The following CCL11 variants were observed in gnomAD, a reference collection of about 807,000 sequenced individuals.
CCL11 encodes the protein C-C motif chemokine ligand 11.
Under a neutral mutation model 7.3 loss-of-function variants are expected in CCL11, and 7 were observed. That is an observed-to-expected ratio of 0.96 (90% CI 0.55 to 1.81). The LOEUF is 1.81. Ranked by LOEUF, CCL11 falls within the 40% of genes most tolerant of loss-of-function variation. The pLI, the probability that CCL11 is intolerant of heterozygous loss-of-function variation, is 0.00. For synonymous variants in CCL11, 66 were observed against 45.2 expected (o/e 1.46, Z -1.84); for missense variants, 132 against 114.2 (o/e 1.16, Z -0.71).
chr17:34,288,188 T>C lies in CCL11; in HGVS notation c.*498T>C, dbSNP rs947302951. 6 of 152,502 alleles carry C rather than the reference T, an allele frequency of 3.9e-5. No individual in the cohort carries two copies. The highest frequency in any genetic ancestry group is 5.9e-5 in the Non-Finnish European group (4 of 68,172). The allele number at this position is 152,502 out of a possible 1,614,324, so 9.4% of individuals were successfully genotyped here. A position where few individuals can be genotyped will look rare whatever the true frequency, so the allele number is the denominator to read the frequency against. On this transcript the variant is annotated 3_prime_UTR_variant, in exon 3 of 3. Coordinates refer to ENST00000305869, the MANE Select transcript of CCL11 (RefSeq NM_002986.3). ...CACACTGAGCTGAGGGGGACAAAGA[T>C]GGCTGTGGCCAAGAGGGGCTTGGTT...
chr17:34,285,989 T>C (rs1908620810), intron 1 of CCL11, 105 bp downstream of exon 1: 1 of 764,702 alleles, frequency 1.3e-6, no homozygotes, highest in African/African-American at 1.8e-5. Flanking sequence ...ATTTGAAAAA[T>C]AGGGAAACAG....
At position 34,287,106 on chromosome 17, in the gene CCL11, A is replaced by T; in HGVS notation, c.87A>T (p.Pro29=). The T allele has an allele frequency of 6.2e-7, 1 of 1,613,584 alleles. No homozygotes were observed. Among genetic ancestry groups the T allele is most frequent in the Non-Finnish European group, 8.5e-7 (1 of 1,179,632 alleles). Residue 29 remains proline (P), a synonymous_variant, in exon 2 of 3, where the codon CCA becomes CCT. Transcript: ENST00000305869. ...TTCCCCAAAATTCAGCTTCTGTCCC[A>T]ACCACCTGCTGCTTTAACCTGGCCA... is the stretch of plus-strand genomic sequence containing the variant. ...PQGLAGPASV[P]TTCCFNLANR...
chr17:34,286,837 C>G (rs1908645833), intron 1 of CCL11, among the ~76,000 whole-genome samples: 1 of 152,212 alleles, frequency 6.6e-6, no homozygotes, highest in South Asian at 2.1e-4. Context: ...AATGACAGAG[C>G]TAGCATTTGT....
Position 34,287,702 on chromosome 17 carries a change from T to A in CCL11, c.*12T>A. On this transcript the variant is annotated 3_prime_UTR_variant, in exon 3 of 3. Transcript: ENST00000305869. ...CTCCAAAGCCATAAATAATCACCAT[T>A]TTTGAAACCAAACCAGAGCCTGAGT... 6.4e-7 allele frequency: 1 copy of A among 1,573,990 alleles called. No individual in the cohort carries two copies. Among genetic ancestry groups the A allele is most frequent in the Non-Finnish European group, 8.7e-7 (1 of 1,143,918 alleles).
chr17:34,287,120 T>A lies in CCL11; in HGVS notation c.101T>A (p.Phe34Tyr). Reference sequence around the variant, plus strand: ...GCTTCTGTCCCAACCACCTGCTGCTTTAACCTGGCCAATAGGAAGATACCC... The same window carrying A: ...GCTTCTGTCCCAACCACCTGCTGCTATAACCTGGCCAATAGGAAGATACCC... Reference protein sequence around the residue: ...GPASVPTTCCFNLANRKIPLQ... With the variant: ...GPASVPTTCCYNLANRKIPLQ... Residue 34 changes from phenylalanine (F) to tyrosine (Y), a missense_variant, in exon 2 of 3, where the codon TTT becomes TAT. By Grantham distance (22) the Phe-to-Tyr change is conservative. Transcript: ENST00000305869. 6.2e-7 allele frequency: 1 copy of A among 1,613,950 alleles called. No homozygotes were observed.
chr17:34,287,729 T>C lies in CCL11; in HGVS notation c.*39T>C, dbSNP rs761411782. 2 of 1,375,710 alleles carry C rather than the reference T, an allele frequency of 1.5e-6. No individual in the cohort carries two copies. The highest frequency in any genetic ancestry group is 1.7e-5 in the Admixed American group (1 of 57,956). The allele number at this position is 1,375,710 out of a possible 1,614,324, so 85.2% of individuals were successfully genotyped here. ...TTGAAACCAAACCAGAGCCTGAGTGTTGCCTAATTTGTTTTCCCTTCTTAC... is the reference window on the plus strand; with the variant it reads ...TTGAAACCAAACCAGAGCCTGAGTGCTGCCTAATTTGTTTTCCCTTCTTAC... On this transcript the variant is annotated 3_prime_UTR_variant, in exon 3 of 3. Coordinates refer to ENST00000305869, the MANE Select transcript of CCL11 (RefSeq NM_002986.3).
At position 34,287,639 on chromosome 17, in the gene CCL11, G is replaced by A; in HGVS notation, c.243G>A (p.Val81=). The A allele has an allele frequency of 6.2e-7, 1 of 1,613,924 alleles. No individual in the cohort carries two copies. The highest frequency in any genetic ancestry group is 2.2e-5 in the East Asian group (1 of 44,866). ...DICADPKKKW[V]QDSMKYLDQK... is the part of the protein sequence containing the mutation. ...GTGCCGACCCCAAGAAGAAGTGGGT[G>A]CAGGATTCCATGAAGTATCTGGACC... Residue 81 remains valine (V), a synonymous_variant, in exon 3 of 3, where the codon GTG becomes GTA. Transcript: ENST00000305869.
chr17:34,287,434 C>T, intron 2 of CCL11, 151 bp from the exon 3 acceptor site: 1 of 659,880 alleles, frequency 1.5e-6, no homozygotes, highest in Non-Finnish European at 2.7e-6. Context: ...TTTACTGGGC[C>T]TTTAAGAGCA....
At chr17:34,287,037 CTA>C in intron 1 of CCL11, 57 bp from the exon 2 acceptor site, 1 of 1,102,564 alleles carries the variant, frequency 9.1e-7, no homozygotes, top group Non-Finnish European at 1.4e-6. Context: ...TTGGAAATGT[CTA>C]TGTATCATCA....
rs55901334 is a variant in CCL11 at position 34,287,618 on chromosome 17, C to G, written c.222C>G (p.Ala74=). ...CCAAACTGGCCAAGGATATCTGTGC[C>G]GACCCCAAGAAGAAGTGGGTGCAGG... is the stretch of plus-strand genomic sequence containing the variant. The part of the protein sequence containing the change: ...FKTKLAKDIC[A]DPKKKWVQDS... The change falls in exon 3 of 3, where the codon GCC becomes GCG. Residue 74 remains alanine, a synonymous_variant. Transcript: ENST00000305869. 2.5e-6 allele frequency: 4 copies of G among 1,613,668 alleles called. No homozygotes were observed. The highest frequency in any genetic ancestry group is 3.4e-6 in the Non-Finnish European group (4 of 1,179,790).
chr17:34,287,104 C>A lies in CCL11; in HGVS notation c.85C>A (p.Pro29Thr). Residue 29 changes from proline to threonine, a missense_variant, in exon 2 of 3, where the codon CCA becomes ACA. Coordinates refer to ENST00000305869, the MANE Select transcript of CCL11 (RefSeq NM_002986.3). Reference sequence around the variant, plus strand: ...TTTTCCCCAAAATTCAGCTTCTGTCCCAACCACCTGCTGCTTTAACCTGGC... The same window carrying A: ...TTTTCCCCAAAATTCAGCTTCTGTCACAACCACCTGCTGCTTTAACCTGGC... Reference protein sequence around the residue: ...PQGLAGPASVPTTCCFNLANR... With the variant: ...PQGLAGPASVTTTCCFNLANR... The A allele has an allele frequency of 6.2e-7, 1 of 1,613,082 alleles. No individual in the cohort carries two copies.
rs375131716 is a variant in CCL11, at chr17:34,287,103, C to G, written c.84C>G (p.Val28=). ...SPQGLAGPAS[V]PTTCCFNLAN... Reference sequence around the variant, plus strand: ...TTTTTCCCCAAAATTCAGCTTCTGTCCCAACCACCTGCTGCTTTAACCTGG... The same window carrying G: ...TTTTTCCCCAAAATTCAGCTTCTGTGCCAACCACCTGCTGCTTTAACCTGG... Residue 28 remains valine, a synonymous_variant, in exon 2 of 3, where the codon GTC becomes GTG. Coordinates refer to ENST00000305869, the MANE Select transcript of CCL11 (RefSeq NM_002986.3). The G allele has an allele frequency of 1.9e-6, 3 of 1,612,968 alleles. No homozygotes were observed. In the Admixed American group the frequency reaches 5.0e-5, roughly 27 times the overall value.
In CCL11 at chr17:34,287,643, G is replaced by A; in HGVS notation, c.247G>A (p.Asp83Asn). The change falls in exon 3 of 3, where the codon GAT (aspartate) becomes AAT (asparagine). Residue 83 changes from aspartate to asparagine, a missense_variant. Coordinates refer to ENST00000305869, the MANE Select transcript of CCL11 (RefSeq NM_002986.3). ...CGACCCCAAGAAGAAGTGGGTGCAG[G>A]ATTCCATGAAGTATCTGGACCAAAA... ...CADPKKKWVQ[D>N]SMKYLDQKSP... is the part of the protein sequence containing the mutation. The A allele has an allele frequency of 6.2e-7, 1 of 1,613,864 alleles. No homozygotes were observed. Among genetic ancestry groups the A allele is most frequent in the South Asian group, 1.1e-5 (1 of 91,042 alleles).
Position 34,288,154 on chromosome 17 carries a change from T to G in CCL11, c.*464T>G, listed in dbSNP as rs1366330615. The G allele has an allele frequency of 6.6e-6, 1 of 152,568 alleles. No individual in the cohort carries two copies. Among genetic ancestry groups the G allele is most frequent in the Non-Finnish European group, 1.5e-5 (1 of 68,278 alleles). The allele number at this position is 152,568 out of a possible 1,614,324, so 9.5% of individuals were successfully genotyped here. A position where few individuals can be genotyped will look rare whatever the true frequency, so the allele number is the denominator to read the frequency against. ...ATAGTCACTAGTTGTAATTTTTTTG[T>G]GGGAAATCCACACTGAGCTGAGGGG... On this transcript the variant is annotated 3_prime_UTR_variant, in exon 3 of 3. Transcript: ENST00000305869.
At chr17:34,286,388 CT>C (rs1224310756) in intron 1 of CCL11, among the ~76,000 whole-genome samples, 1 of 152,210 alleles carries the variant, frequency 6.6e-6, no homozygotes, top group Non-Finnish European at 1.5e-5. Flanking sequence ...GACAAATTTA[CT>C]GAGTGTATCG....
At chr17:34,287,554 T>C (rs1201907180) in intron 2 of CCL11, 31 bp from the exon 3 acceptor site, 7 of 1,501,898 alleles carry the variant, frequency 4.7e-6, no homozygotes, top group Non-Finnish European at 6.5e-6. Context: ...TCAAAAACAA[T>C]CCTTCCAATT....
rs781455922 is a variant in CCL11 at position 34,287,585 on chromosome 17, C to A, written c.189C>A (p.Ile63=). ...TSGKCPQKAV[I]FKTKLAKDIC... is the part of the protein sequence containing the mutation. ...CAATTGCATCCTGTATCTCCCACAG[C>A]TTCAAGACCAAACTGGCCAAGGATA... is the stretch of plus-strand genomic sequence containing the variant. Residue 63 remains isoleucine, a splice_region_variant and synonymous_variant, in exon 3 of 3, where the codon ATC becomes ATA. Coordinates refer to ENST00000305869, the MANE Select transcript of CCL11 (RefSeq NM_002986.3). The A allele has an allele frequency of 5.6e-6, 9 of 1,610,998 alleles. No homozygotes were observed. Among genetic ancestry groups the A allele is most frequent in the Admixed American group, 3.3e-5 (2 of 59,994 alleles).
At chr17:34,287,023 A>G in intron 1 of CCL11, 73 bp from the exon 2 acceptor site, 1 of 994,982 alleles carries the variant, frequency 1.0e-6, no homozygotes, top group South Asian at 1.3e-5. Context: ...TTACAAAGTC[A>G]TGCTTGGAAA....
chr17:34,287,572 G>T lies in CCL11; in HGVS notation c.189-13G>T. ...AAAACAATCCTTCCAATTGCATCCTGTATCTCCCACAGCTTCAAGACCAAA... is the reference window on the plus strand; with the variant it reads ...AAAACAATCCTTCCAATTGCATCCTTTATCTCCCACAGCTTCAAGACCAAA... On this transcript the variant is annotated splice_polypyrimidine_tract_variant and intron_variant, in intron 2 of 2. Transcript: ENST00000305869. 3 of 1,589,514 alleles carry T rather than the reference G, an allele frequency of 1.9e-6. No homozygotes were observed. Among genetic ancestry groups the T allele is most frequent in the Non-Finnish European group, 2.6e-6 (3 of 1,157,802 alleles).
Sources: gnomAD v4.1 joint callset for allele counts (sites outside exome capture counted in the v4.1 genomes callset) on GRCh38, gnomAD v4.1.1 for gene constraint, MANE v1.5 for transcripts, NCBI Gene and HGNC (gene_info 2026-07-23, HGNC 2026-07-21) for gene names.